PRKN: variants seen among roughly 807,000 people sequenced by gnomAD.
PRKN encodes the protein parkin RBR E3 ubiquitin protein ligase.
Under a neutral mutation model 59.5 loss-of-function variants are expected in PRKN, and 56 were observed. That is an observed-to-expected ratio of 0.94 (90% CI 0.76 to 1.18). PRKN has a LOEUF of 1.18. Ranked by LOEUF, PRKN falls within the 50% of genes most tolerant of loss-of-function variation. The pLI is 0.00. For missense variants in PRKN, 657 were observed against 596.4 expected (o/e 1.10, Z -1.06); for synonymous variants, 250 against 222.1 (o/e 1.13, Z -1.12).
intron 6 of PRKN, among the ~76,000 whole-genome samples, chr6:161,835,047 A>G (rs1562326359): frequency 6.6e-6 from 1 of 152,028 alleles, no homozygotes; most frequent in Non-Finnish European, 1.5e-5. Flanking sequence ...GTCGCTCTCC[A>G]GGGTAAGTCC....
intron 1 of PRKN, among the ~76,000 whole-genome samples, chr6:162,673,544 C>T (rs1429213250): frequency 2.6e-5 from 4 of 152,138 alleles, no homozygotes; most frequent in Admixed American, 2.6e-4. Flanking sequence ...CACCATCATG[C>T]CTAGCTAATT....
In PRKN at chr6:161,830,255, T is replaced by C. The variant is rs538681688; in HGVS notation, c.735-44347A>G. On this transcript the variant is annotated intron_variant, in intron 6 of 11. Transcript: ENST00000366898. The stretch of plus-strand genomic sequence containing the variant: ...GGGTTACCTTTGTTTTTTTTGTTTT[T>C]TGTTTTTTTTTTTTGAGATGGAGTC... Among the ~76,000 whole-genome samples, 25 of 145,788 alleles carry C rather than the reference T, an allele frequency of 1.7e-4. No homozygotes were observed. In the East Asian group the frequency reaches 2.5e-3, roughly 15 times the overall value.
chr6:161,487,315 G>T lies in PRKN; in HGVS notation c.1083+61539C>A, dbSNP rs1004804844. 6.6e-6 allele frequency among the ~76,000 whole-genome samples: 1 copy of T among 152,164 alleles called. No individual in the cohort carries two copies. Among genetic ancestry groups the T allele is most frequent in the South Asian group, 2.1e-4 (1 of 4,824 alleles). On this transcript the variant is annotated intron_variant, in intron 9 of 11. Coordinates refer to ENST00000366898, the MANE Select transcript of PRKN (RefSeq NM_004562.3). The surrounding 1 kb of genome is among the most constrained non-coding windows in gnomAD (Gnocchi z 5.3). ...GGGCTGGGACTCCCAGCACTTGCCT[G>T]GTTCAGATCACACTACTGTCTCCTT...
At chr6:161,485,265 C>G (rs71567612) in intron 9 of PRKN, among the ~76,000 whole-genome samples, 203 of 152,216 alleles carry the variant, frequency 1.3e-3, no homozygotes, top group African/African-American at 4.7e-3. Flanking sequence ...CCTTGCATTT[C>G]CTGGTTATAC....
Position 161,393,173 on chromosome 6 carries a change from T to C in PRKN, c.1084-6296A>G, listed in dbSNP as rs950593987. Among the ~76,000 whole-genome samples, 1 of 152,110 alleles carries C rather than the reference T, an allele frequency of 6.6e-6. No homozygotes were observed. Among genetic ancestry groups the C allele is most frequent in the African/African-American group, 2.4e-5 (1 of 41,390 alleles). ...ATTTAACACAGTTTCTGGTACACAG[T>C]AAACACAACAACACAACAAATAGTT... On this transcript the variant is annotated intron_variant, in intron 9 of 11. Transcript: ENST00000366898. The surrounding 1 kb of genome is among the most constrained non-coding windows in gnomAD (Gnocchi z 4.7).
intron 7 of PRKN, among the ~76,000 whole-genome samples, chr6:161,722,545 C>A (rs956737229): frequency 6.6e-6 from 1 of 152,106 alleles, no homozygotes; most frequent in African/African-American, 2.4e-5. Flanking sequence ...GGATAAATTT[C>A]TAACAGTCTA....
chr6:162,183,309 C>G (rs1366053228), intron 4 of PRKN, among the ~76,000 whole-genome samples: 1 of 152,168 alleles, frequency 6.6e-6, no homozygotes, highest in Non-Finnish European at 1.5e-5. Flanking sequence ...AGAACCCAGG[C>G]TGCAGCCCAA....
intron 3 of PRKN, among the ~76,000 whole-genome samples, chr6:162,221,728 G>A (rs1383013241): frequency 6.6e-6 from 1 of 152,144 alleles, no homozygotes; most frequent in African/African-American, 2.4e-5. Flanking sequence ...GCACAAGAGA[G>A]GAGATGTAAA....
chr6:161,597,946 T>C (rs1781975731), intron 7 of PRKN, among the ~76,000 whole-genome samples: 1 of 152,212 alleles, frequency 6.6e-6, no homozygotes, highest in Non-Finnish European at 1.5e-5. Context: ...ATTCTGTGTG[T>C]GCATTTTTCT....
intron 1 of PRKN, among the ~76,000 whole-genome samples, chr6:162,722,763 A>AT: frequency 6.6e-6 from 1 of 152,288 alleles, no homozygotes; most frequent in Middle Eastern, 3.4e-3. Context: ...TCATTGTATC[A>AT]TTTTCAGGCA....
At position 162,626,949 on chromosome 6, in the gene PRKN, G is replaced by A. The variant is rs920644975; in HGVS notation, c.7+100713C>T. The stretch of plus-strand genomic sequence containing the variant: ...GAAAGTAACTGACCATTCAAATTTT[G>A]AACAAGCTGAAGAAGCTTCAAATAG... On this transcript the variant is annotated intron_variant, in intron 1 of 11. Transcript: ENST00000366898. Among the ~76,000 whole-genome samples the A allele has an allele frequency of 6.6e-5, 10 of 152,104 alleles. No individual in the cohort carries two copies. The East Asian group carries it at 1.7e-3, about 26-fold the overall frequency.
chr6:162,579,612 C>T (rs1259235960), intron 1 of PRKN, among the ~76,000 whole-genome samples: 1 of 150,718 alleles, frequency 6.6e-6, no homozygotes, highest in Admixed American at 6.6e-5. Flanking sequence ...TTCACACACA[C>T]AGATACACAC....
chr6:162,172,704 C>T (rs772720913), intron 4 of PRKN, among the ~76,000 whole-genome samples: 6 of 152,142 alleles, frequency 3.9e-5, no homozygotes, highest in Non-Finnish European at 8.8e-5. Flanking sequence ...GGTTTAGTCC[C>T]TGTTTGTCAT....
intron 1 of PRKN, among the ~76,000 whole-genome samples, chr6:162,693,510 G>C (rs1777856785): frequency 6.6e-6 from 1 of 152,172 alleles, no homozygotes; most frequent in Admixed American, 6.5e-5. Context: ...TGAGGGCGGG[G>C]ACAGCATTGA....
rs1380898753 is a variant in PRKN, at chr6:161,757,871, C to CTCTCTCTCTCTG, written c.871+27900_871+27901insCAGAGAGAGAGA. 7.3e-4 allele frequency among the ~76,000 whole-genome samples: 72 copies of CTCTCTCTCTCTG among 97,978 alleles called. 2 individuals are homozygous for CTCTCTCTCTCTG. Among genetic ancestry groups the CTCTCTCTCTCTG allele is most frequent in the African/African-American group, 2.8e-3 (63 of 22,356 alleles). 64.3% of individuals were successfully genotyped at this position (97,978 alleles called of 152,430 possible). A position where few individuals can be genotyped will look rare whatever the true frequency, so the allele number is the denominator to read the frequency against. ...TCTCTCTCTCTCTCTCTCTCTCTCT[C>CTCTCTCTCTCTG]TGTGTATATATATATACACACACAC... On this transcript the variant is annotated intron_variant, in intron 7 of 11. Transcript: ENST00000366898.
chr6:161,420,412 G>C (rs1788046841), intron 9 of PRKN, among the ~76,000 whole-genome samples: 2 of 152,124 alleles, frequency 1.3e-5, no homozygotes, highest in African/African-American at 4.8e-5. Context: ...CAGTTTATCT[G>C]GATAAAATGA....
chr6:161,867,632 C>T (rs1379433547), intron 6 of PRKN, among the ~76,000 whole-genome samples: 1 of 151,974 alleles, frequency 6.6e-6, no homozygotes, highest in African/African-American at 2.4e-5. Context: ...TAAATACTTG[C>T]CATAGTAAAG....
chr6:161,578,013 A>G lies in PRKN; in HGVS notation c.872-8597T>C, dbSNP rs1160016307. Among the ~76,000 whole-genome samples, 5 of 152,226 alleles carry G rather than the reference A, an allele frequency of 3.3e-5. No individual in the cohort carries two copies. Among genetic ancestry groups the G allele is most frequent in the African/African-American group, 1.2e-4 (5 of 41,464 alleles). ...ATGCGTAACGCCAGGGGCCATAGAG[A>G]AATCATAAATGAATCAGACAGGGAT... is the stretch of plus-strand genomic sequence containing the variant. On this transcript the variant is annotated intron_variant, in intron 7 of 11. Coordinates refer to ENST00000366898, the MANE Select transcript of PRKN (RefSeq NM_004562.3). This position sits in a 1 kb window ranked among gnomAD's most constrained non-coding sequence, Gnocchi z 4.2.
chr6:161,503,804 A>G lies in PRKN; in HGVS notation c.1083+45050T>C, dbSNP rs1407161533. Among the ~76,000 whole-genome samples the G allele has an allele frequency of 1.3e-5, 2 of 152,218 alleles. No individual in the cohort carries two copies. Among genetic ancestry groups the G allele is most frequent in the African/African-American group, 4.8e-5 (2 of 41,458 alleles). ...AGTCAGATGTGAGCATTCTTTTAGA[A>G]TCCACTGTGAGGAAAAGCCTGCTTC... is the stretch of plus-strand genomic sequence containing the variant. On this transcript the variant is annotated intron_variant, in intron 9 of 11. Transcript: ENST00000366898. The surrounding 1 kb of genome is among the most constrained non-coding windows in gnomAD (Gnocchi z 5.1).
Sources: gnomAD v4.1 joint callset for allele counts (sites outside exome capture counted in the v4.1 genomes callset) on GRCh38, gnomAD v4.1.1 for gene constraint, Gnocchi (gnomAD v3.1) non-coding constraint, MANE v1.5 for transcripts, NCBI Gene and HGNC (gene_info 2026-07-23, HGNC 2026-07-21) for gene names.